The following NRG3 variants were observed in gnomAD, a reference collection of about 807,000 sequenced individuals.
The protein encoded by NRG3 is neuregulin 3, also known as pro-neuregulin-3, membrane-bound isoform.
Under a neutral mutation model 66.9 loss-of-function variants are expected in NRG3, and 31 were observed. The observed-to-expected ratio is 0.46, with a 90% CI of 0.35 to 0.63. The LOEUF (loss-of-function observed/expected upper bound fraction) is 0.63, where lower values mean the gene tolerates loss of function less well. Among genes scored for constraint, NRG3 ranks in the 20% least tolerant of loss-of-function variants. The pLI, the probability that NRG3 is intolerant of heterozygous loss-of-function variation, is 0.00. For synonymous variants in NRG3, 393 were observed against 359.4 expected, an observed-to-expected ratio of 1.09 and a Z score of -1.06; for missense variants, 910 against 878.9, an observed-to-expected ratio of 1.04 and a Z score of -0.45.
intron 1 of NRG3, among the ~76,000 whole-genome samples, chr10:82,253,060 G>C (rs537567607): frequency 6.6e-6 from 1 of 151,970 alleles, no homozygotes; most frequent in Non-Finnish European, 1.5e-5. Flanking sequence ...CACCTTCTTC[G>C]CTTCGTCTAA....
intron 2 of NRG3, among the ~76,000 whole-genome samples, chr10:82,502,167 T>A (rs1844256882): frequency 6.6e-6 from 1 of 152,156 alleles, no homozygotes; most frequent in Admixed American, 6.5e-5. Context: ...AATTAGGGTT[T>A]TTTTTGTTTG....
At chr10:82,335,446 C>G (rs950624410) in intron 1 of NRG3, among the ~76,000 whole-genome samples, 2 of 152,088 alleles carry the variant, frequency 1.3e-5, no homozygotes, top group East Asian at 3.9e-4. Flanking sequence ...GAACTCTCAG[C>G]CAAAATCATT....
chr10:82,435,394 C>G (rs950222744), intron 2 of NRG3, among the ~76,000 whole-genome samples: 1 of 152,010 alleles, frequency 6.6e-6, no homozygotes, highest in African/African-American at 2.4e-5. Flanking sequence ...TTTCAGAAAA[C>G]CTGCTCCTGG....
chr10:82,274,279 A>G (rs891905939), intron 1 of NRG3, among the ~76,000 whole-genome samples: 2 of 152,072 alleles, frequency 1.3e-5, no homozygotes, highest in African/African-American at 2.4e-5. Flanking sequence ...AGTGTCTACA[A>G]AGTTTTCTTC....
intron 4 of NRG3, among the ~76,000 whole-genome samples, chr10:82,937,090 CTT>C (rs1848145508): frequency 1.3e-5 from 2 of 152,262 alleles, no homozygotes; most frequent in African/African-American, 2.4e-5. Flanking sequence ...CTACAACACT[CTT>C]TTAATTCTTC....
intron 2 of NRG3, among the ~76,000 whole-genome samples, chr10:82,495,652 T>C (rs1470397814): frequency 6.6e-6 from 1 of 152,096 alleles, no homozygotes; most frequent in Non-Finnish European, 1.5e-5. Flanking sequence ...CTTTACAAAA[T>C]TACAAATCTT....
chr10:82,226,811 A>G (rs544878665), intron 1 of NRG3, among the ~76,000 whole-genome samples: 6 of 152,248 alleles, frequency 3.9e-5, no homozygotes, highest in South Asian at 4.1e-4. Context: ...TTCCCCATCT[A>G]TTGGACTCAT....
At chr10:82,363,319 C>A (rs2084306592) in intron 2 of NRG3, among the ~76,000 whole-genome samples, 1 of 152,168 alleles carries the variant, frequency 6.6e-6, no homozygotes, top group Non-Finnish European at 1.5e-5. Flanking sequence ...AAAGTGACTA[C>A]TATACCCAGT....
At chr10:82,527,656 G>A (rs145424109) in intron 2 of NRG3, among the ~76,000 whole-genome samples, 19 of 152,298 alleles carry the variant, frequency 1.2e-4, no homozygotes, top group Middle Eastern at 6.8e-3. Context: ...TGCCTTAAGA[G>A]CCTTGGAGGA....
chr10:82,771,642 T>A (rs2059715263), intron 3 of NRG3, among the ~76,000 whole-genome samples: 1 of 152,166 alleles, frequency 6.6e-6, no homozygotes, highest in Non-Finnish European at 1.5e-5. Context: ...AATTATTCAT[T>A]CAACACTTAC....
At chr10:82,838,015 A>G (rs1433879893) in intron 3 of NRG3, among the ~76,000 whole-genome samples, 2 of 152,142 alleles carry the variant, frequency 1.3e-5, no homozygotes, top group African/African-American at 4.8e-5. Flanking sequence ...ATCCAGGAGG[A>G]GCAGGAGTGA....
chr10:82,949,812 G>A (rs916444381), intron 4 of NRG3, among the ~76,000 whole-genome samples: 1 of 151,734 alleles, frequency 6.6e-6, no homozygotes, highest in African/African-American at 2.4e-5. Context: ...CTGGGATCAC[G>A]CCACTGCACT....
chr10:82,362,567 T>TTTC (rs1554896355), intron 2 of NRG3, among the ~76,000 whole-genome samples: 5 of 148,220 alleles, frequency 3.4e-5, no homozygotes, highest in African/African-American at 1.2e-4. Flanking sequence ...TTTTTTTTTT[T>TTTC]TTCGTAGAAA....
At chr10:82,080,111 G>A (rs185602751) in intron 1 of NRG3, among the ~76,000 whole-genome samples, 17 of 152,194 alleles carry the variant, frequency 1.1e-4, no homozygotes, top group Admixed American at 9.2e-4. Flanking sequence ...TGGACTTTGC[G>A]TGGGCCTGAG....
At chr10:82,000,126 G>C (rs2061104763) in intron 1 of NRG3, among the ~76,000 whole-genome samples, 2 of 152,032 alleles carry the variant, frequency 1.3e-5, no homozygotes, top group African/African-American at 4.8e-5. Flanking sequence ...TTCTGGTTGT[G>C]TTTTACAAAT....
At position 82,408,459 on chromosome 10, in the gene NRG3, G is replaced by C. The variant is rs2087793024; in HGVS notation, c.953+49591G>C. ...TTTTTCAGACATGATATTTTAACTA[G>C]CTCATGAAATAGATCAATTTAGCAC... On this transcript the variant is annotated intron_variant, in intron 2 of 8. Transcript: ENST00000372141. Among the ~76,000 whole-genome samples the C allele has an allele frequency of 2.0e-5, 3 of 151,958 alleles. No individual in the cohort carries two copies. The South Asian group carries it at 6.2e-4, about 32-fold the overall frequency.
rs140978119 is a variant in NRG3, at chr10:82,106,381, T to G, written c.823+230218T>G. Reference sequence around the variant, plus strand: ...AAGGCCACAGTTCATATCAACTAATTGTATACTCTTAAATACAAATCAGGC... The same window carrying G: ...AAGGCCACAGTTCATATCAACTAATGGTATACTCTTAAATACAAATCAGGC... On this transcript the variant is annotated intron_variant, in intron 1 of 8. Coordinates refer to ENST00000372141, the MANE Select transcript of NRG3 (RefSeq NM_001010848.4). Among the ~76,000 whole-genome samples, 139 of 152,280 alleles carry G rather than the reference T, an allele frequency of 9.1e-4. 2 individuals are homozygous for G. The highest frequency in any genetic ancestry group is 1.1e-3 in the Non-Finnish European group (72 of 68,032).
At chr10:82,233,986 C>G (rs1356336900) in intron 1 of NRG3, among the ~76,000 whole-genome samples, 4 of 152,118 alleles carry the variant, frequency 2.6e-5, no homozygotes, top group African/African-American at 9.7e-5. Context: ...AGTATCCCCC[C>G]ATCATATTCT....
chr10:82,340,745 T>G (rs141256683), intron 1 of NRG3: 64 of 152,296 alleles, frequency 4.2e-4, no homozygotes, highest in South Asian at 1.2e-3. Context: ...AGTATTTTAG[T>G]GTGTGCTCAA....
Sources: gnomAD v4.1 joint callset for allele counts (sites outside exome capture counted in the v4.1 genomes callset) on GRCh38, gnomAD v4.1.1 for gene constraint, MANE v1.5 for transcripts, NCBI Gene and HGNC (gene_info 2026-07-23, HGNC 2026-07-21) for gene names.